CACNA1I: variants seen among roughly 807,000 people sequenced by gnomAD.
CACNA1I encodes voltage-dependent T-type calcium channel subunit alpha-1I.
Under a neutral mutation model 201.6 loss-of-function variants are expected in CACNA1I, and 74 were observed. The observed-to-expected ratio is 0.37, with a 90% CI of 0.30 to 0.45. The LOEUF (loss-of-function observed/expected upper bound fraction) is 0.45. Among genes scored for constraint, CACNA1I ranks in the 20% least tolerant of loss-of-function variants. The probability of loss-of-function intolerance (pLI) is 1.00; values close to 1 mark genes in which losing one functional copy is unlikely to be tolerated. For missense variants in CACNA1I, 2,346 were observed against 3,138.1 expected (o/e 0.75, Z 6.03); for synonymous variants, 1,431 against 1,345.2 (o/e 1.06, Z -1.40).
At chr22:39,634,978 G>T (rs1934168800) in intron 5 of CACNA1I, among the ~76,000 whole-genome samples, 1 of 152,134 alleles carries the variant, frequency 6.6e-6, no homozygotes, top group Admixed American at 6.5e-5. Flanking sequence ...TGGTGGCTGA[G>T]TCATCCAGGA....
At chr22:39,603,404 C>T (rs1264426215) in intron 3 of CACNA1I, among the ~76,000 whole-genome samples, 1 of 152,226 alleles carries the variant, frequency 6.6e-6, no homozygotes, top group Non-Finnish European at 1.5e-5. Context: ...CCCCTATTTA[C>T]TGCCCCTATG....
At chr22:39,579,600 G>T (rs962378332) in intron 1 of CACNA1I, among the ~76,000 whole-genome samples, 2 of 151,956 alleles carry the variant, frequency 1.3e-5, no homozygotes, top group African/African-American at 4.8e-5. Flanking sequence ...AAGGGGAGAA[G>T]GTGTGTTGCA....
At position 39,589,565 on chromosome 22, in the gene CACNA1I, G is replaced by C. The variant is rs548370423; in HGVS notation, c.237-8586G>C. Among the ~76,000 whole-genome samples the C allele has an allele frequency of 2.0e-5, 3 of 152,346 alleles. No individual in the cohort carries two copies. In the East Asian group the frequency reaches 5.8e-4, roughly 29 times the overall value. On this transcript the variant is annotated intron_variant, in intron 1 of 36. Transcript: ENST00000402142. ...ACATCACGGGTGGTCCTGGAACAGGGATGCACACGGGCACCTTCCAGGAAG... is the reference window on the plus strand; with the variant it reads ...ACATCACGGGTGGTCCTGGAACAGGCATGCACACGGGCACCTTCCAGGAAG...
chr22:39,627,251 C>A (rs1174323766), intron 4 of CACNA1I, among the ~76,000 whole-genome samples: 1 of 152,236 alleles, frequency 6.6e-6, no homozygotes, highest in Non-Finnish European at 1.5e-5. Flanking sequence ...CCCCCCTCAG[C>A]CTGGTCTGCT....
rs1935848420 is a variant in CACNA1I, at chr22:39,685,896, C to T, written c.6163C>T (p.Pro2055Ser). Residue 2055 changes from proline to serine, a missense_variant, in exon 37 of 37, where the codon CCC (proline) becomes TCC (serine). Coordinates refer to ENST00000402142, the MANE Select transcript of CACNA1I (RefSeq NM_021096.4). This position sits in a 1 kb window ranked among gnomAD's most constrained non-coding sequence, Gnocchi z 5.0. ...GGGGCCGCCCGCGCCTGCTCCAGGA[C>T]CCCGGGCCGGCCTGTCCCCCGCCGC... ...ALGPPAPAPG[P>S]RAGLSPAARR... 5 of 1,425,642 alleles carry T rather than the reference C, an allele frequency of 3.5e-6. No individual in the cohort carries two copies. Among genetic ancestry groups the T allele is most frequent in the Admixed American group, 2.9e-5 (1 of 34,740 alleles). 88.3% of individuals were successfully genotyped at this position (1,425,642 alleles called of 1,614,324 possible). A position where few individuals can be genotyped will look rare whatever the true frequency, so the allele number is the denominator to read the frequency against.
intron 2 of CACNA1I, 66 bp downstream of exon 2, chr22:39,598,328 C>G (rs1932941198): frequency 1.3e-6 from 1 of 764,448 alleles, no homozygotes; most frequent in African/African-American, 1.8e-5. Flanking sequence ...TATGCCCCGC[C>G]CACTCCACAC....
At chr22:39,584,978 G>A (rs1270546758) in intron 1 of CACNA1I, among the ~76,000 whole-genome samples, 1 of 152,158 alleles carries the variant, frequency 6.6e-6, no homozygotes, top group Non-Finnish European at 1.5e-5. Context: ...AATAATATAT[G>A]TTTCTTTATC....
At chr22:39,640,394 G>GA (rs1263036454) in intron 5 of CACNA1I, among the ~76,000 whole-genome samples, 4 of 151,678 alleles carry the variant, frequency 2.6e-5, no homozygotes, top group South Asian at 2.1e-4. Context: ...GTCTAAAAAA[G>GA]AAAAAAAAGA....
chr22:39,672,961 G>GA lies in CACNA1I; in HGVS notation c.4662_4663insA (p.Asp1555ArgfsTer124). On this transcript the variant is annotated frameshift_variant, in exon 28 of 37. Transcript: ENST00000402142. LOFTEE classifies it high-confidence loss of function. The stretch of plus-strand genomic sequence containing the variant: ...CACGGCTGAGCAGATGGAACCAGCT[G>GA]GACCTGGCCATTGTGCTACTGTCAG... 1 of 1,613,460 alleles carries GA rather than the reference G, an allele frequency of 6.2e-7. No homozygotes were observed. The highest frequency in any genetic ancestry group is 8.5e-7 in the Non-Finnish European group (1 of 1,179,590).
intron 10 of CACNA1I, among the ~76,000 whole-genome samples, chr22:39,650,306 A>T (rs1419490755): frequency 1.0e-5 from 1 of 98,388 alleles, no homozygotes; most frequent in Admixed American, 1.1e-4. Flanking sequence ...TTTCTTCTTT[A>T]AAAAAAAAAA....
At position 39,600,613 on chromosome 22, in the gene CACNA1I, G is replaced by A. The variant is rs1221250712; in HGVS notation, c.442G>A (p.Asp148Asn). 1.9e-6 allele frequency: 3 copies of A among 1,609,432 alleles called. No individual in the cohort carries two copies. The highest frequency in any genetic ancestry group is 1.3e-5 in the African/African-American group (1 of 74,866). ...TTTTGGCAAGAAGTGCTACCTCGGGGACACATGGAACCGCCTGGATTTCTT... is the reference window on the plus strand; with the variant it reads ...TTTTGGCAAGAAGTGCTACCTCGGGAACACATGGAACCGCCTGGATTTCTT... Reference protein sequence around the residue: ...GIFGKKCYLGDTWNRLDFFIV... With the variant: ...GIFGKKCYLGNTWNRLDFFIV... The change falls in exon 3 of 37, where the codon GAC becomes AAC. Residue 148 changes from aspartate (D) to asparagine (N), a missense_variant. Around this residue, in one of 13 missense-constraint regions of CACNA1I, gnomAD observed 227 missense variants for 412.5 expected, o/e 0.55. Coordinates refer to ENST00000402142, the MANE Select transcript of CACNA1I (RefSeq NM_021096.4).
chr22:39,663,697 G>GCCCCCC, intron 18 of CACNA1I, 21 bp from the exon 19 acceptor site: 11 of 1,592,556 alleles, frequency 6.9e-6, no homozygotes, highest in Middle Eastern at 1.7e-4. Context: ...CGCTCAGGCA[G>GCCCCCC]CCCCCGCCCA....
intron 3 of CACNA1I, among the ~76,000 whole-genome samples, chr22:39,601,983 T>C (rs1310519399): frequency 3.5e-4 from 5 of 14,088 alleles, no homozygotes; most frequent in East Asian, 3.9e-3. Context: ...CTCCCTCCCT[T>C]CCTTCCTTCC....
At chr22:39,669,473 A>G (rs1935297869) in intron 24 of CACNA1I, among the ~76,000 whole-genome samples, 1 of 152,012 alleles carries the variant, frequency 6.6e-6, no homozygotes, top group African/African-American at 2.4e-5. Flanking sequence ...TGGGCGAATA[A>G]GTGGCTGGTG....
chr22:39,669,770 G>A (rs989302431), intron 24 of CACNA1I, among the ~76,000 whole-genome samples: 4 of 152,204 alleles, frequency 2.6e-5, no homozygotes, highest in Admixed American at 6.5e-5. Context: ...TGAATGAATG[G>A]ATAGGTCAAT....
At chr22:39,608,312 C>A (rs1243040811) in intron 3 of CACNA1I, among the ~76,000 whole-genome samples, 1 of 151,964 alleles carries the variant, frequency 6.6e-6, no homozygotes, top group Non-Finnish European at 1.5e-5. Context: ...AAAAGAACTT[C>A]TGTGATCACC....
Position 39,679,742 on chromosome 22 carries a change from C to T in CACNA1I, c.5415C>T (p.Ser1805=), listed in dbSNP as rs1935635539. The change falls in exon 33 of 37, where the codon AGC becomes AGT. Residue 1805 remains serine (S), a synonymous_variant. Coordinates refer to ENST00000402142, the MANE Select transcript of CACNA1I (RefSeq NM_021096.4). ...SPAQENLWLD[S]VSLIIKDSLE... ...CCTAGGAGAACCTGTGGCTGGACAG[C>T]GTCTCTTTAATCATCAAGGACTCCT... 1.2e-6 allele frequency: 2 copies of T among 1,612,230 alleles called. No homozygotes were observed. Among genetic ancestry groups the T allele is most frequent in the South Asian group, 1.1e-5 (1 of 90,780 alleles).
chr22:39,589,304 T>G (rs1932795601), intron 1 of CACNA1I, among the ~76,000 whole-genome samples: 1 of 152,140 alleles, frequency 6.6e-6, no homozygotes, highest in South Asian at 2.1e-4. Flanking sequence ...TGTGAGCATT[T>G]CTCCTGGGTA....
At chr22:39,580,246 A>G (rs1014520937) in intron 1 of CACNA1I, among the ~76,000 whole-genome samples, 4 of 152,186 alleles carry the variant, frequency 2.6e-5, no homozygotes, top group Non-Finnish European at 5.9e-5. Context: ...GCAGCAACAC[A>G]TGTCTGGGAA....
Sources: allele counts gnomAD v4.1 joint callset (sites outside exome capture counted in the v4.1 genomes callset), GRCh38; gene constraint gnomAD v4.1.1; regional missense constraint gnomAD v4.1.1; non-coding constraint Gnocchi (gnomAD v3.1); transcripts MANE v1.5; gene names NCBI Gene and HGNC (gene_info 2026-07-23, HGNC 2026-07-21).